The following IQUB variants were observed in gnomAD, a reference collection of about 807,000 sequenced individuals.
The protein encoded by IQUB is IQ motif and ubiquitin domain containing.
Under a neutral mutation model 86.4 loss-of-function variants are expected in IQUB, and 86 were observed. That is an observed-to-expected ratio of 1.00 (90% confidence interval 0.84 to 1.19). The LOEUF (loss-of-function observed/expected upper bound fraction) is 1.19, where lower values mean the gene tolerates loss of function less well. IQUB is among the 50% of genes most tolerant of loss of function. The pLI is 0.00. For synonymous variants in IQUB, 289 were observed against 304.5 expected (o/e 0.95, Z 0.53); for missense variants, 946 against 916.9 (o/e 1.03, Z -0.41).
At position 123,470,159 on chromosome 7, in the gene IQUB, A is replaced by T. The variant is rs148052334; in HGVS notation, c.1411-775T>A. On this transcript the variant is annotated intron_variant, in intron 8 of 12. Transcript: ENST00000324698. ...CTCTACCGACTCAGGAAACAGGATA[A>T]TCTTTAATGATGATACCTCTGTGTT... Among the ~76,000 whole-genome samples the T allele has an allele frequency of 5.4e-3, 820 of 152,236 alleles. 9 individuals are homozygous for T. Among genetic ancestry groups the T allele is most frequent in the African/African-American group, 0.019 (788 of 41,516 alleles).
intron 4 of IQUB, 39 bp downstream of exon 4, chr7:123,503,163 C>T (rs777625938): frequency 5.0e-6 from 8 of 1,606,636 alleles, no homozygotes; most frequent in South Asian, 1.1e-5. Flanking sequence ...CAAGAAGGGA[C>T]TCAAAAATAC....
At chr7:123,518,993 T>C (rs1251771889) in intron 1 of IQUB, among the ~76,000 whole-genome samples, 4 of 152,162 alleles carry the variant, frequency 2.6e-5, no homozygotes, top group Admixed American at 6.5e-5. Context: ...ATTTATTTTT[T>C]TCATCAATAT....
chr7:123,454,349 ACT>A (rs1158752452), intron 12 of IQUB, among the ~76,000 whole-genome samples: 2 of 152,194 alleles, frequency 1.3e-5, no homozygotes, highest in African/African-American at 4.8e-5. Context: ...CTAATAAGTA[ACT>A]CTTAAATAAC....
intron 1 of IQUB, chr7:123,532,287 G>A (rs1331419542): frequency 6.6e-6 from 1 of 151,902 alleles, no homozygotes; most frequent in Non-Finnish European, 1.5e-5. Context: ...AATATTAGGC[G>A]TTCATTTAAA....
intron 2 of IQUB, 41 bp downstream of exon 2, chr7:123,511,903 A>C (rs747620630): frequency 7.0e-7 from 1 of 1,433,536 alleles, no homozygotes; most frequent in Non-Finnish European, 9.4e-7. Context: ...TTCATTCTTC[A>C]AAATGAGAAA....
At chr7:123,475,356 A>T (rs1324202336) in intron 8 of IQUB, among the ~76,000 whole-genome samples, 1 of 148,624 alleles carries the variant, frequency 6.7e-6, no homozygotes, top group Non-Finnish European at 1.5e-5. Context: ...ACAGAATTTT[A>T]AAATTTCTCC....
rs1460896792 is a variant in IQUB, at chr7:123,462,606, A to G, written c.1759-1001T>C. 4 of 203,260 alleles carry G rather than the reference A, an allele frequency of 2.0e-5. No homozygotes were observed. In the East Asian group the frequency reaches 4.9e-4, roughly 25 times the overall value. 12.6% of individuals were successfully genotyped at this position (203,260 alleles called of 1,614,324 possible). Reference sequence around the variant, plus strand: ...AGTCAATTCTTCGAGAGAAAAGAAGAGTGATCTAGGTGTATGATCAAAGAT... The same window carrying G: ...AGTCAATTCTTCGAGAGAAAAGAAGGGTGATCTAGGTGTATGATCAAAGAT... On this transcript the variant is annotated intron_variant, in intron 10 of 12. Transcript: ENST00000324698.
At chr7:123,463,377 A>G (rs1056679692) in intron 10 of IQUB, among the ~76,000 whole-genome samples, 4 of 151,768 alleles carry the variant, frequency 2.6e-5, no homozygotes, top group African/African-American at 9.7e-5. Context: ...AACTCTCTAA[A>G]CAATCCAAAT....
Position 123,469,329 on chromosome 7 carries a change from G to C in IQUB, c.1466C>G (p.Thr489Arg), listed in dbSNP as rs200787907. 1.2e-6 allele frequency: 2 copies of C among 1,607,028 alleles called. No homozygotes were observed. The highest frequency in any genetic ancestry group is 3.4e-5 in the Admixed American group (2 of 59,252). The change falls in exon 9 of 13, where the codon ACG (threonine) becomes AGG (arginine). Residue 489 changes from threonine to arginine, a missense_variant. Physicochemically the swap from Thr to Arg is moderately conservative, Grantham distance 71 (BLOSUM62 -1). Transcript: ENST00000324698. ...TPNGKTIEMD[T>R]QFTIRARELQ... Reference sequence around the variant, plus strand: ...CTCTCTGGCTCTGATGGTGAACTGCGTATCCATCTCAATTGTTTTGCCATT... The same window carrying C: ...CTCTCTGGCTCTGATGGTGAACTGCCTATCCATCTCAATTGTTTTGCCATT...
chr7:123,527,249 C>T (rs1401058889), intron 1 of IQUB, among the ~76,000 whole-genome samples: 1 of 152,060 alleles, frequency 6.6e-6, no homozygotes, highest in African/African-American at 2.4e-5. Context: ...ACTTCTTTGC[C>T]TTTGGTTTGA....
chr7:123,467,667 G>T (rs1794325084), intron 9 of IQUB, among the ~76,000 whole-genome samples: 1 of 152,190 alleles, frequency 6.6e-6, no homozygotes, highest in South Asian at 2.1e-4. Flanking sequence ...ATACTTTATA[G>T]TTGGCACAGC....
chr7:123,522,841 T>G (rs1796972956), intron 1 of IQUB, among the ~76,000 whole-genome samples: 1 of 145,650 alleles, frequency 6.9e-6, no homozygotes, highest in African/African-American at 2.6e-5. Context: ...CTCCCAATGC[T>G]ATCCCTCCCC....
chr7:123,480,374 T>C (rs962158714), intron 7 of IQUB, among the ~76,000 whole-genome samples: 4 of 152,108 alleles, frequency 2.6e-5, no homozygotes, highest in African/African-American at 7.2e-5. Context: ...TCTGCTGCCT[T>C]GTTGAAGCTG....
chr7:123,482,754 G>A (rs1795062738), intron 7 of IQUB, among the ~76,000 whole-genome samples: 1 of 152,034 alleles, frequency 6.6e-6, no homozygotes, highest in Non-Finnish European at 1.5e-5. Context: ...TCAACCACAA[G>A]TCTTCTCTGA....
At chr7:123,477,954 A>C (rs558716748) in intron 8 of IQUB, among the ~76,000 whole-genome samples, 11 of 152,324 alleles carry the variant, frequency 7.2e-5, no homozygotes, top group African/African-American at 2.4e-4. Context: ...GATGCTGGAG[A>C]GGATGTGGAG....
At chr7:123,463,394 C>A (rs752100006) in intron 10 of IQUB, among the ~76,000 whole-genome samples, 2 of 151,724 alleles carry the variant, frequency 1.3e-5, no homozygotes, top group Non-Finnish European at 3.0e-5. Flanking sequence ...AAATGTCCTA[C>A]AACTGTGAAT....
At chr7:123,484,132 G>A (rs565691639) in intron 7 of IQUB, among the ~76,000 whole-genome samples, 43 of 152,010 alleles carry the variant, frequency 2.8e-4, no homozygotes, top group Admixed American at 1.5e-3. Flanking sequence ...AAAAGAATCC[G>A]CTCTGTCCTT....
chr7:123,519,466 A>T (rs1796801356), intron 1 of IQUB, among the ~76,000 whole-genome samples: 1 of 152,264 alleles, frequency 6.6e-6, no homozygotes, highest in African/African-American at 2.4e-5. Context: ...TTATTAAGCC[A>T]TAAAAAAGAA....
rs769349349 is a variant in IQUB, at chr7:123,452,706, C to T, written c.*37G>A. 2.7e-6 allele frequency: 4 copies of T among 1,497,130 alleles called. No homozygotes were observed. Among genetic ancestry groups the T allele is most frequent in the Non-Finnish European group, 3.7e-6 (4 of 1,082,556 alleles). 92.7% of individuals were successfully genotyped at this position (1,497,130 alleles called of 1,614,324 possible). On this transcript the variant is annotated 3_prime_UTR_variant, in exon 13 of 13. Coordinates refer to ENST00000324698, the MANE Select transcript of IQUB (RefSeq NM_178827.5). Reference sequence around the variant, plus strand: ...TCTGTATTACCCTATTAGCAGTGAACAAAATGCCGATCATCAAACAAATAC... The same window carrying T: ...TCTGTATTACCCTATTAGCAGTGAATAAAATGCCGATCATCAAACAAATAC...
Sources: allele counts gnomAD v4.1 joint callset (sites outside exome capture counted in the v4.1 genomes callset), GRCh38; gene constraint gnomAD v4.1.1; transcripts MANE v1.5; gene names NCBI Gene and HGNC (gene_info 2026-07-23, HGNC 2026-07-21).